SPAG1: variants seen among roughly 807,000 people sequenced by gnomAD.
The protein encoded by SPAG1 is sperm-associated antigen 1.
Under a neutral mutation model 100.5 loss-of-function variants are expected in SPAG1, and 69 were observed. The observed-to-expected ratio is 0.69, with a 90% CI of 0.57 to 0.84. The LOEUF (loss-of-function observed/expected upper bound fraction) is 0.84, where lower values mean the gene tolerates loss of function less well. Ranked by LOEUF, SPAG1 falls within the 40% of genes least tolerant of loss-of-function variation. The pLI is 0.00. For missense variants in SPAG1, 955 were observed against 1,133.1 expected (o/e 0.84, Z 2.26); for synonymous variants, 336 against 411.6 (o/e 0.82, Z 2.22).
At position 100,214,679 on chromosome 8, in the gene SPAG1, G is replaced by A. The variant is rs542263900; in HGVS notation, c.1535+761G>A. Among the ~76,000 whole-genome samples, 32 of 152,068 alleles carry A rather than the reference G, an allele frequency of 2.1e-4. No homozygotes were observed. In the South Asian group the frequency reaches 4.6e-3, roughly 22 times the overall value. On this transcript the variant is annotated intron_variant, in intron 12 of 18. Transcript: ENST00000388798. ...CGAGTGATGCTTCGATATATATGATGTGGCCAGGCACAGTGGCTCATGGCC... is the reference window on the plus strand; with the variant it reads ...CGAGTGATGCTTCGATATATATGATATGGCCAGGCACAGTGGCTCATGGCC...
At chr8:100,200,769 C>T (rs1817243008) in intron 10 of SPAG1, among the ~76,000 whole-genome samples, 1 of 150,568 alleles carries the variant, frequency 6.6e-6, no homozygotes, top group African/African-American at 2.4e-5. Context: ...CTGTTCATAT[C>T]CTTTGCCCAC....
rs71274962 is a variant in SPAG1, at chr8:100,186,060, C to CTTTTTTTT, written c.702-1044_702-1037dup. ...ACCACTTTCTGACCTTGGGCAGATT[C>CTTTTTTTT]TTTTTTTTTTTTTTTTTTTTTTTGA... On this transcript the variant is annotated intron_variant, in intron 7 of 18. Transcript: ENST00000388798. Among the ~76,000 whole-genome samples the CTTTTTTTT allele has an allele frequency of 1.7e-4, 15 of 89,958 alleles. 1 individual carries two copies. The highest frequency in any genetic ancestry group is 4.1e-4 in the South Asian group (1 of 2,466). The allele number at this position is 89,958 out of a possible 152,430, so 59.0% of individuals were successfully genotyped here. A position where few individuals can be genotyped will look rare whatever the true frequency, so the allele number is the denominator to read the frequency against.
intron 4 of SPAG1, among the ~76,000 whole-genome samples, chr8:100,182,585 C>T (rs946386079): frequency 1.3e-5 from 2 of 152,208 alleles, no homozygotes; most frequent in Non-Finnish European, 2.9e-5. Context: ...CCTCATCCAG[C>T]AGCACCCTTG....
Position 100,206,433 on chromosome 8 carries a change from G to A in SPAG1, c.1097-6657G>A, listed in dbSNP as rs1350116795. ...AAAGACCTTGATTGCTTTTTGCTTT[G>A]GCAAGATATCACACTGGTACATTAT... On this transcript the variant is annotated intron_variant, in intron 10 of 18. Transcript: ENST00000388798. 5.9e-5 allele frequency among the ~76,000 whole-genome samples: 9 copies of A among 152,122 alleles called. No individual in the cohort carries two copies. In the East Asian group the frequency reaches 1.5e-3, roughly 26 times the overall value.
At chr8:100,199,720 T>TA (rs1348587311) in intron 10 of SPAG1, among the ~76,000 whole-genome samples, 1 of 152,218 alleles carries the variant, frequency 6.6e-6, no homozygotes, top group African/African-American at 2.4e-5. Context: ...GTGCTGGGAT[T>TA]ACAGATGTGA....
chr8:100,213,288 C>A lies in SPAG1; in HGVS notation c.1295C>A (p.Ala432Asp). ...GCGGCGGCGGCGGCGGGCGGCGGCG[C>A]CACCGGGCATCCGGGCGGCGGGCAG... ...ASAAAAAGGGATGHPGGGQGA... is the reference protein window; with the variant it reads ...ASAAAAAGGGDTGHPGGGQGA... The change falls in exon 11 of 19, where the codon GCC becomes GAC. Residue 432 changes from alanine to aspartate, a missense_variant. Physicochemically the swap from Ala to Asp is moderately radical, Grantham distance 126. Transcript: ENST00000388798. The A allele has an allele frequency of 8.2e-7, 1 of 1,221,782 alleles. No individual in the cohort carries two copies. The highest frequency in any genetic ancestry group is 1.0e-6 in the Non-Finnish European group (1 of 983,582). 75.7% of individuals were successfully genotyped at this position (1,221,782 alleles called of 1,614,324 possible). A position where few individuals can be genotyped will look rare whatever the true frequency, so the allele number is the denominator to read the frequency against.
rs1660352 is a variant in SPAG1, at chr8:100,213,480, C to T, written c.1435+52C>T. 3.8e-6 allele frequency: 5 copies of T among 1,325,414 alleles called. No homozygotes were observed. The African/African-American group carries it at 7.7e-5, about 21-fold the overall frequency. The allele number at this position is 1,325,414 out of a possible 1,614,324, so 82.1% of individuals were successfully genotyped here. On this transcript the variant is annotated intron_variant, in intron 11 of 18. Coordinates refer to ENST00000388798, the MANE Select transcript of SPAG1 (RefSeq NM_003114.5). The stretch of plus-strand genomic sequence containing the variant: ...CTGGGCCCCTCGCGCTGCGGTTCAC[C>T]CGACCTCCGGGGCCCCCGTGGGAGA...
At chr8:100,233,670 A>C (rs1586555457) in intron 16 of SPAG1, 133 bp downstream of exon 16, 7 of 866,182 alleles carry the variant, frequency 8.1e-6, no homozygotes, top group South Asian at 4.0e-5. Flanking sequence ...TGTACTAACC[A>C]GTTCTAAAAC....
Position 100,232,307 on chromosome 8 carries a change from A to T in SPAG1, c.1988+1019A>T, listed in dbSNP as rs1818810812. 2.6e-5 allele frequency among the ~76,000 whole-genome samples: 4 copies of T among 151,986 alleles called. No homozygotes were observed. The South Asian group carries it at 8.3e-4, about 32-fold the overall frequency. On this transcript the variant is annotated intron_variant, in intron 15 of 18. Coordinates refer to ENST00000388798, the MANE Select transcript of SPAG1 (RefSeq NM_003114.5). ...TCTCGTCCTCTCCCTCTCCTTCTGT[A>T]GGCTTTTCTTTCCCTAGAATTCTCA...
rs1049843524 is a variant in SPAG1, at chr8:100,176,645, G to C, written c.301-1171G>C. On this transcript the variant is annotated intron_variant, in intron 3 of 18. Transcript: ENST00000388798. ...CTCCCGAAGTGCTGGGATTACAGGCGTGAGCCACCACGCCCAGCCAGGAAT... is the reference window on the plus strand; with the variant it reads ...CTCCCGAAGTGCTGGGATTACAGGCCTGAGCCACCACGCCCAGCCAGGAAT... Among the ~76,000 whole-genome samples, 229 of 152,274 alleles carry C rather than the reference G, an allele frequency of 1.5e-3. 3 individuals are homozygous for C. Among genetic ancestry groups the C allele is most frequent in the Non-Finnish European group, 2.6e-4 (18 of 68,006 alleles).
chr8:100,159,319 G>A (rs1020748297), intron 1 of SPAG1, among the ~76,000 whole-genome samples: 8 of 152,224 alleles, frequency 5.3e-5, no homozygotes, highest in African/African-American at 1.9e-4. Flanking sequence ...TCATCAATAG[G>A]CCCTGAAGGT....
intron 9 of SPAG1, 64 bp downstream of exon 9, chr8:100,191,560 G>T (rs141900728): frequency 1.4e-5 from 16 of 1,159,526 alleles, no homozygotes; most frequent in Non-Finnish European, 1.5e-5. Context: ...TTATTTTAAA[G>T]TGGTATCAAT....
In SPAG1 at chr8:100,183,912, G is replaced by A. The variant is rs749689576; in HGVS notation, c.489-44G>A. 57 of 867,234 alleles carry A rather than the reference G, an allele frequency of 6.6e-5. 1 individual carries two copies. Among genetic ancestry groups the A allele is most frequent in the Non-Finnish European group, 6.6e-5 (36 of 543,912 alleles). The allele number at this position is 867,234 out of a possible 1,614,324, so 53.7% of individuals were successfully genotyped here. ...ATATCAATGATAAATTTATTTTCTTGCCTGTATTGTACTTTTTTGGTTTTT... is the reference window on the plus strand; with the variant it reads ...ATATCAATGATAAATTTATTTTCTTACCTGTATTGTACTTTTTTGGTTTTT... On this transcript the variant is annotated intron_variant, in intron 5 of 18. Transcript: ENST00000388798.
chr8:100,163,893 A>C (rs1303604638), intron 2 of SPAG1, among the ~76,000 whole-genome samples: 1 of 152,206 alleles, frequency 6.6e-6, no homozygotes, highest in Non-Finnish European at 1.5e-5. Flanking sequence ...CAGTTATAAT[A>C]ATGTTGGTTC....
chr8:100,186,140 G>A (rs62532709), intron 7 of SPAG1, among the ~76,000 whole-genome samples: 24,749 of 140,080 alleles, frequency 0.18, 2,381 homozygotes, highest in Middle Eastern at 0.25. Context: ...ATCATAGCTC[G>A]CTGCAGCCTC....
At chr8:100,204,780 C>T (rs1359995654) in intron 10 of SPAG1, among the ~76,000 whole-genome samples, 2 of 152,112 alleles carry the variant, frequency 1.3e-5, no homozygotes, top group Admixed American at 6.5e-5. Flanking sequence ...TTTGAAGAGC[C>T]GTGTAATTGC....
chr8:100,237,942 A>G (rs924222668), intron 16 of SPAG1, among the ~76,000 whole-genome samples: 1 of 152,124 alleles, frequency 6.6e-6, no homozygotes, highest in African/African-American at 2.4e-5. Context: ...GCTCCATGCC[A>G]TGTAATCATC....
At chr8:100,179,131 C>A (rs891539558) in intron 4 of SPAG1, among the ~76,000 whole-genome samples, 1 of 150,668 alleles carries the variant, frequency 6.6e-6, no homozygotes, top group African/African-American at 2.4e-5. Flanking sequence ...ACCTGTAATC[C>A]CAGCACCTTG....
At chr8:100,225,892 G>T (rs2860518) in intron 14 of SPAG1, among the ~76,000 whole-genome samples, 86,597 of 151,778 alleles carry the variant, frequency 0.57, 25,095 homozygotes, top group Admixed American at 0.65. Context: ...GAGTCCAGTG[G>T]CGCAATCACG....
Sources: gnomAD v4.1 joint callset for allele counts (sites outside exome capture counted in the v4.1 genomes callset) on GRCh38, gnomAD v4.1.1 for gene constraint, MANE v1.5 for transcripts, NCBI Gene and HGNC (gene_info 2026-07-23, HGNC 2026-07-21) for gene names.